The following RAB17 variants were observed in gnomAD, a reference collection of about 807,000 sequenced individuals.
RAB17 encodes the protein RAB17, member RAS oncogene family.
A neutral mutation model predicts 19.3 loss-of-function variants in RAB17; 15 were observed. The ratio of observed to expected loss-of-function variants is 0.78; its 90% CI spans 0.52 to 1.20. The LOEUF is 1.20. RAB17 is among the 50% of genes most tolerant of loss of function. The probability of loss-of-function intolerance (pLI) is 0.00; values close to 1 mark genes in which losing one functional copy is unlikely to be tolerated. For synonymous variants in RAB17, 110 were observed against 112.8 expected, an observed-to-expected ratio of 0.97 and a Z score of 0.16; for missense variants, 262 against 269.3, an observed-to-expected ratio of 0.97 and a Z score of 0.19.
At chr2:237,575,168 G>T in intron 5 of RAB17, 40 bp from the exon 6 acceptor site, 1 of 1,552,066 alleles carries the variant, frequency 6.4e-7, no homozygotes, top group Non-Finnish European at 8.9e-7. Flanking sequence ...AGGGAGGGAA[G>T]TCGCCCAGCC....
chr2:237,587,848 AAAAGAAAAAG>A (rs1279753085), intron 1 of RAB17, among the ~76,000 whole-genome samples: 114 of 86,452 alleles, frequency 1.3e-3, no homozygotes, highest in Non-Finnish European at 1.9e-3. Context: ...AAAAAAAAAG[AAAAGAAAAAG>A]AAAGAAAAAG....
At chr2:237,577,118 TAG>T in intron 4 of RAB17, 137 bp downstream of exon 4, 2 of 1,017,364 alleles carry the variant, frequency 2.0e-6, no homozygotes, top group South Asian at 1.6e-5. Context: ...TGTGGGCGTG[TAG>T]AGGTGTGTGT....
intron 4 of RAB17, among the ~76,000 whole-genome samples, 171 bp downstream of exon 4, chr2:237,577,086 G>C (rs58375792): frequency 6.6e-6 from 1 of 151,824 alleles, no homozygotes; most frequent in Non-Finnish European, 1.5e-5. Flanking sequence ...GAATGTGGGG[G>C]GTGTGCATGT....
chr2:237,585,898 G>T, intron 2 of RAB17, 100 bp downstream of exon 2: 1 of 1,306,948 alleles, frequency 7.7e-7, no homozygotes, highest in Non-Finnish European at 1.0e-6. Flanking sequence ...CCAGCATGGG[G>T]ATTCCTAGGT....
At chr2:237,581,891 G>A (rs1439706006) in intron 2 of RAB17, among the ~76,000 whole-genome samples, 1 of 152,258 alleles carries the variant, frequency 6.6e-6, no homozygotes, top group Non-Finnish European at 1.5e-5. Context: ...AGCACTAGAT[G>A]TCACCATCCT....
intron 1 of RAB17, among the ~76,000 whole-genome samples, chr2:237,589,230 G>C (rs1346204444): frequency 7.9e-6 from 1 of 126,444 alleles, no homozygotes; most frequent in South Asian, 2.5e-4. Context: ...CAAAAAAAAA[G>C]GTTATTTTAC....
At position 237,589,522 on chromosome 2, in the gene RAB17, C is replaced by G. The variant is rs1246874668; in HGVS notation, c.-4+945G>C. Among the ~76,000 whole-genome samples the G allele has an allele frequency of 4.6e-5, 7 of 152,250 alleles. No individual in the cohort carries two copies. The South Asian group carries it at 8.3e-4, about 18-fold the overall frequency. ...CCATTTTCCTAATACTGGATTTTTA[C>G]TTAGTTTTAATTTTTTCTCTGTAAT... On this transcript the variant is annotated intron_variant, in intron 1 of 5. Transcript: ENST00000264601.
intron 1 of RAB17, among the ~76,000 whole-genome samples, chr2:237,588,680 A>C (rs1212309530): frequency 6.6e-6 from 1 of 152,224 alleles, no homozygotes; most frequent in Non-Finnish European, 1.5e-5. Context: ...CCTGTAACCA[A>C]ATACCACCTG....
intron 5 of RAB17, 110 bp downstream of exon 5, chr2:237,575,277 A>G (rs1559393072): frequency 3.8e-6 from 4 of 1,059,702 alleles, no homozygotes; most frequent in East Asian, 5.0e-5. Flanking sequence ...GTCACCATCC[A>G]GTCCCTAAAG....
At chr2:237,588,056 G>A (rs2081364437) in intron 1 of RAB17, among the ~76,000 whole-genome samples, 1 of 151,990 alleles carries the variant, frequency 6.6e-6, no homozygotes, top group Admixed American at 6.6e-5. Flanking sequence ...ATATCCACCT[G>A]GATTGAGGAT....
In RAB17 at chr2:237,574,680, G is replaced by T; in HGVS notation, c.*339C>A. 2.1e-6 allele frequency: 3 copies of T among 1,447,510 alleles called. No homozygotes were observed. The highest frequency in any genetic ancestry group is 2.7e-6 in the Non-Finnish European group (3 of 1,098,992). The allele number at this position is 1,447,510 out of a possible 1,614,324, so 89.7% of individuals were successfully genotyped here. On this transcript the variant is annotated 3_prime_UTR_variant, in exon 6 of 6. Transcript: ENST00000264601. The stretch of plus-strand genomic sequence containing the variant: ...AGACGTAAGGCATCTTCCCACCGTC[G>T]CTGTGCTGCGGGGACTTTTCCAATC...
At chr2:237,586,292 G>T in intron 1 of RAB17, 135 bp from the exon 2 acceptor site, 1 of 787,480 alleles carries the variant, frequency 1.3e-6, no homozygotes, top group Non-Finnish European at 1.9e-6. Flanking sequence ...GGCCACCTAG[G>T]TCCACACTCC....
chr2:237,584,598 CCA>C (rs2081333953), intron 2 of RAB17, among the ~76,000 whole-genome samples: 1 of 152,170 alleles, frequency 6.6e-6, no homozygotes, highest in South Asian at 2.1e-4. Flanking sequence ...AGCCAGAGAG[CCA>C]CAGTGTGCAG....
chr2:237,578,195 G>A (rs770420918), intron 2 of RAB17, 40 bp from the exon 3 acceptor site: 2 of 1,574,032 alleles, frequency 1.3e-6, no homozygotes, highest in Non-Finnish European at 1.7e-6. Flanking sequence ...CAGAGGACGA[G>A]GTTGCCACAT....
intron 1 of RAB17, among the ~76,000 whole-genome samples, chr2:237,586,957 T>C (rs2081355491): frequency 6.6e-6 from 1 of 152,220 alleles, no homozygotes; most frequent in Non-Finnish European, 1.5e-5. Flanking sequence ...TTTTTTTTCT[T>C]TGCAGTTCAT....
chr2:237,585,079 C>T (rs1196441091), intron 2 of RAB17, among the ~76,000 whole-genome samples: 2 of 152,206 alleles, frequency 1.3e-5, no homozygotes, highest in African/African-American at 2.4e-5. Context: ...AAATAGCTAA[C>T]GTCATGTGCC....
At chr2:237,577,422 T>G in intron 3 of RAB17, 40 bp from the exon 4 acceptor site, 1 of 1,571,430 alleles carries the variant, frequency 6.4e-7, no homozygotes, top group Non-Finnish European at 8.6e-7. Flanking sequence ...ACAAAACTTA[T>G]AGGTGGTCAT....
rs971243674 is a variant in RAB17, at chr2:237,590,471, TC to T, written c.-9del. On this transcript the variant is annotated 5_prime_UTR_variant, in exon 1 of 6. Transcript: ENST00000264601. ...GAGGTTTAAACAATGACTCACCTGT[TC>T]CCCAGGCCCGGTCACTTGCAGGGAG... 6.6e-6 allele frequency: 1 copy of T among 152,286 alleles called. No homozygotes were observed. Among genetic ancestry groups the T allele is most frequent in the Non-Finnish European group, 1.5e-5 (1 of 68,160 alleles). 9.4% of individuals were successfully genotyped at this position (152,286 alleles called of 1,614,324 possible).
intron 1 of RAB17, among the ~76,000 whole-genome samples, chr2:237,589,652 G>A (rs901965737): frequency 3.3e-5 from 5 of 152,168 alleles, no homozygotes; most frequent in Non-Finnish European, 7.3e-5. Context: ...AAAATTAAAA[G>A]TGTGGCACCT....
Sources: gnomAD v4.1 joint callset for allele counts (sites outside exome capture counted in the v4.1 genomes callset) on GRCh38, gnomAD v4.1.1 for gene constraint, MANE v1.5 for transcripts, NCBI Gene and HGNC (gene_info 2026-07-23, HGNC 2026-07-21) for gene names.